Variants in RIMS2 observed in about 807,000 individuals in gnomAD.
RIMS2 encodes the protein regulating synaptic membrane exocytosis protein 2.
A neutral mutation model predicts 174.4 loss-of-function variants in RIMS2; 59 were observed. The observed-to-expected ratio is 0.34, with a 90% CI of 0.27 to 0.42. The LOEUF (loss-of-function observed/expected upper bound fraction) is 0.42, where lower values mean the gene tolerates loss of function less well. Ranked by LOEUF, RIMS2 falls within the 10% of genes least tolerant of loss-of-function variation. The probability of loss-of-function intolerance (pLI) is 1.00; values close to 1 mark genes in which losing one functional copy is unlikely to be tolerated. For synonymous variants in RIMS2, 606 were observed against 572.5 expected, an observed-to-expected ratio of 1.06 and a Z score of -0.84; for missense variants, 1,620 against 1,666.3, an observed-to-expected ratio of 0.97 and a Z score of 0.48.
intron 1 of RIMS2, among the ~76,000 whole-genome samples, chr8:103,597,761 A>G (rs572511056): frequency 2.8e-4 from 43 of 151,954 alleles, no homozygotes; most frequent in Non-Finnish European, 5.7e-4. Context: ...TCTGAACCTT[A>G]TGAATATTCT....
chr8:104,100,863 A>ATATG (rs888920323), intron 19 of RIMS2, among the ~76,000 whole-genome samples: 1 of 140,802 alleles, frequency 7.1e-6, no homozygotes, highest in African/African-American at 2.6e-5. Context: ...TATGTAATAT[A>ATATG]TATTATATAT....
At chr8:103,797,337 C>A (rs765687002) in intron 3 of RIMS2, among the ~76,000 whole-genome samples, 4 of 152,150 alleles carry the variant, frequency 2.6e-5, no homozygotes, top group Non-Finnish European at 5.9e-5. Flanking sequence ...TTTTCTCTTA[C>A]TCAATTTCAA....
intron 1 of RIMS2, among the ~76,000 whole-genome samples, chr8:103,622,738 C>G (rs1012682558): frequency 5.9e-5 from 9 of 152,260 alleles, no homozygotes; most frequent in South Asian, 2.1e-4. Flanking sequence ...CCTATCTTCT[C>G]CCCCCTGCTA....
chr8:103,622,048 T>C (rs977552652), intron 1 of RIMS2, among the ~76,000 whole-genome samples: 9 of 152,284 alleles, frequency 5.9e-5, no homozygotes, highest in Middle Eastern at 3.4e-3. Flanking sequence ...AAAATTATCA[T>C]TAATTTCTAG....
intron 2 of RIMS2, among the ~76,000 whole-genome samples, chr8:103,717,908 CTG>C (rs1309038882): frequency 6.6e-6 from 1 of 152,086 alleles, no homozygotes; most frequent in Non-Finnish European, 1.5e-5. Context: ...GGCTGGTTGA[CTG>C]AGAAACTGAA....
intron 2 of RIMS2, among the ~76,000 whole-genome samples, chr8:103,760,075 A>G (rs1329338505): frequency 6.6e-6 from 1 of 152,258 alleles, no homozygotes; most frequent in Non-Finnish European, 1.5e-5. Flanking sequence ...GATCAAAAAT[A>G]GAGAAATAAA....
At chr8:103,912,080 G>A (rs765782930) in exon 6 of RIMS2, 1 of 1,603,006 alleles carries the variant, frequency 6.2e-7, no homozygotes, top group South Asian at 1.1e-5. Context: ...ACCATCTAAA[G>A]ATGGAGATCG....
intron 3 of RIMS2, among the ~76,000 whole-genome samples, chr8:103,872,537 C>T (rs1047979525): frequency 3.9e-5 from 6 of 152,168 alleles, no homozygotes; most frequent in Non-Finnish European, 7.3e-5. Flanking sequence ...TGGAGGTAGA[C>T]AGCTCAAGGA....
At chr8:103,723,261 A>T (rs567278432) in intron 2 of RIMS2, among the ~76,000 whole-genome samples, 1 of 152,196 alleles carries the variant, frequency 6.6e-6, no homozygotes, top group Non-Finnish European at 1.5e-5. Flanking sequence ...TGATGATGTC[A>T]TGTTTCTCTG....
At chr8:104,057,885 A>C (rs983786498) in intron 19 of RIMS2, among the ~76,000 whole-genome samples, 1 of 151,702 alleles carries the variant, frequency 6.6e-6, no homozygotes, top group Non-Finnish European at 1.5e-5. Flanking sequence ...ATGTCCCTAC[A>C]AAGGACATGA....
In RIMS2 at chr8:103,738,746, G is replaced by A. The variant is rs545871728; in HGVS notation, c.388-27481G>A. On this transcript the variant is annotated intron_variant, in intron 2 of 23. Transcript: ENST00000504942. ...TATGAACAGACACTTCTCAAAAGAA[G>A]ACATTTATGCAGCCAACAGACACAT... Among the ~76,000 whole-genome samples the A allele has an allele frequency of 4.8e-3, 728 of 152,216 alleles. 7 individuals are homozygous for A. Among genetic ancestry groups the A allele is most frequent in the African/African-American group, 0.017 (688 of 41,526 alleles).
intron 1 of RIMS2, among the ~76,000 whole-genome samples, chr8:103,547,169 C>T (rs1367228984): frequency 6.6e-6 from 1 of 152,076 alleles, no homozygotes; most frequent in East Asian, 1.9e-4. Flanking sequence ...AGAGGTTTCC[C>T]TGTTCCTTTA....
At chr8:103,988,680 G>A (rs7837238) in intron 16 of RIMS2, among the ~76,000 whole-genome samples, 4,135 of 152,008 alleles carry the variant, frequency 0.027, 201 homozygotes, top group African/African-American at 0.091. Context: ...GGCTGGTCTC[G>A]AACTCCCGAC....
At chr8:104,172,673 T>G (rs1354752656) in intron 19 of RIMS2, among the ~76,000 whole-genome samples, 1 of 152,200 alleles carries the variant, frequency 6.6e-6, no homozygotes, top group African/African-American at 2.4e-5. Flanking sequence ...CTATTCTAGT[T>G]GATGCTTTTG....
At chr8:103,694,339 G>A (rs1173784322) in intron 1 of RIMS2, among the ~76,000 whole-genome samples, 1 of 152,058 alleles carries the variant, frequency 6.6e-6, no homozygotes, top group Non-Finnish European at 1.5e-5. Context: ...TACAGGGGCT[G>A]GTCTTCTGCT....
intron 19 of RIMS2, among the ~76,000 whole-genome samples, chr8:104,063,103 C>A (rs1327336082): frequency 6.6e-6 from 1 of 151,894 alleles, no homozygotes; most frequent in Non-Finnish European, 1.5e-5. Flanking sequence ...ATAATTTCAA[C>A]AGAAAACATT....
chr8:104,137,463 T>C (rs1365232156), intron 19 of RIMS2, among the ~76,000 whole-genome samples: 1 of 152,156 alleles, frequency 6.6e-6, no homozygotes, highest in African/African-American at 2.4e-5. Flanking sequence ...TGCTGAAAAC[T>C]TACCATGTGG....
intron 19 of RIMS2, among the ~76,000 whole-genome samples, chr8:104,071,570 G>A (rs1172729902): frequency 6.6e-6 from 1 of 152,126 alleles, no homozygotes; most frequent in Non-Finnish European, 1.5e-5. Flanking sequence ...GAGTAGCTGG[G>A]ACTACAGGCA....
At position 103,989,229 on chromosome 8, in the gene RIMS2, T is replaced by C. The variant is rs182803742; in HGVS notation, c.2928-76T>C. The C allele has an allele frequency of 9.2e-5, 81 of 881,956 alleles. No individual in the cohort carries two copies. In the African/African-American group the frequency reaches 1.1e-3, roughly 12 times the overall value. The allele number at this position is 881,956 out of a possible 1,614,324, so 54.6% of individuals were successfully genotyped here. ...ATATAGTGACTTTGTCTTTTTCTAC[T>C]GTGCTTTAAAATAAACCTCGTTTCT... On this transcript the variant is annotated intron_variant, in intron 16 of 23. Coordinates refer to ENST00000504942, the Ensembl canonical transcript of RIMS2.
Sources: gnomAD v4.1 joint callset for allele counts (sites outside exome capture counted in the v4.1 genomes callset) on GRCh38, gnomAD v4.1.1 for gene constraint, MANE v1.5 for transcripts, NCBI Gene and HGNC (gene_info 2026-07-23, HGNC 2026-07-21) for gene names.